Variants in SDK2 observed in about 807,000 individuals in gnomAD.
SDK2 encodes the protein sidekick cell adhesion molecule 2.
Under a neutral mutation model 253.9 loss-of-function variants are expected in SDK2, and 105 were observed. The observed-to-expected ratio is 0.41, with a 90% confidence interval of 0.35 to 0.49. SDK2 has a LOEUF of 0.49. Among genes scored for constraint, SDK2 ranks in the 20% least tolerant of loss-of-function variants. The probability of loss-of-function intolerance (pLI) is 0.06; values close to 1 mark genes in which losing one functional copy is unlikely to be tolerated. For missense variants in SDK2, 2,608 were observed against 3,003.0 expected, an observed-to-expected ratio of 0.87 and a Z score of 3.07; for synonymous variants, 1,249 against 1,234.9, an observed-to-expected ratio of 1.01 and a Z score of -0.24.
chr17:73,366,638 C>T (rs1432993090), intron 37 of SDK2, among the ~76,000 whole-genome samples: 2 of 152,140 alleles, frequency 1.3e-5, no homozygotes, highest in Non-Finnish European at 2.9e-5. Context: ...TCCTGGGTTC[C>T]AGCCTCTGCT....
intron 12 of SDK2, among the ~76,000 whole-genome samples, chr17:73,427,853 G>T (rs1313375475): frequency 6.6e-6 from 1 of 152,044 alleles, no homozygotes; most frequent in Non-Finnish European, 1.5e-5. Flanking sequence ...AGATAAGCTG[G>T]ATTTCATTAA....
intron 1 of SDK2, among the ~76,000 whole-genome samples, chr17:73,523,323 G>C (rs1320589234): frequency 1.3e-5 from 2 of 151,842 alleles, no homozygotes; most frequent in Non-Finnish European, 2.9e-5. Flanking sequence ...TGGTGCTGTG[G>C]AATGCTCTTC....
rs561109269 is a variant in SDK2 at position 73,348,220 on chromosome 17, C to G, written c.6165+379G>C. On this transcript the variant is annotated intron_variant, in intron 44 of 44. Coordinates refer to ENST00000392650, the MANE Select transcript of SDK2 (RefSeq NM_001144952.2). ...AGTGAAGCTGAGCATTTTTCCAGGT[C>G]TCTGGCCTGGAATGCAGGGCTGTGT... Among the ~76,000 whole-genome samples, 4 of 152,314 alleles carry G rather than the reference C, an allele frequency of 2.6e-5. No homozygotes were observed. The East Asian group carries it at 7.7e-4, about 29-fold the overall frequency.
In SDK2 at chr17:73,612,917, A is replaced by AAATAATAATAATAAT. The variant is rs367745115; in HGVS notation, c.64+31093_64+31107dup. ...GGGTGACAGAGCGAGACTCCGTCTC[A>AAATAATAATAATAAT]AATAATAATAATAATAATAATAGTA... On this transcript the variant is annotated intron_variant, in intron 1 of 44. Transcript: ENST00000392650. This position sits in a 1 kb window ranked among gnomAD's most constrained non-coding sequence, Gnocchi z 4.4. Among the ~76,000 whole-genome samples the AAATAATAATAATAAT allele has an allele frequency of 6.6e-6, 1 of 151,464 alleles. No individual in the cohort carries two copies. Among genetic ancestry groups the AAATAATAATAATAAT allele is most frequent in the Admixed American group, 6.6e-5 (1 of 15,224 alleles).
intron 1 of SDK2, among the ~76,000 whole-genome samples, chr17:73,613,116 C>G (rs894724052): frequency 1.3e-5 from 2 of 152,170 alleles, no homozygotes; most frequent in African/African-American, 4.8e-5. Flanking sequence ...CACAAAGCGG[C>G]ACGAGAGATT....
Position 73,586,152 on chromosome 17 carries a change from G to A in SDK2, c.64+57873C>T, listed in dbSNP as rs561722199. Among the ~76,000 whole-genome samples the A allele has an allele frequency of 2.0e-5, 3 of 152,222 alleles. No homozygotes were observed. In the East Asian group the frequency reaches 5.8e-4, roughly 29 times the overall value. On this transcript the variant is annotated intron_variant, in intron 1 of 44. Transcript: ENST00000392650. ...TACAAAGGGTTGTGCATAAGGCCTG[G>A]CATATAGCAAGCACTGGATAAGGTG...
At chr17:73,594,098 TG>T (rs2045720984) in intron 1 of SDK2, among the ~76,000 whole-genome samples, 1 of 152,192 alleles carries the variant, frequency 6.6e-6, no homozygotes, top group Admixed American at 6.5e-5. Context: ...ACTCAAAAAC[TG>T]TTTCCCCAAA....
In SDK2 at chr17:73,455,892, A is replaced by G. The variant is rs1477744846; in HGVS notation, c.479+14T>C. On this transcript the variant is annotated intron_variant, in intron 4 of 44. Transcript: ENST00000392650. This position sits in a 1 kb window ranked among gnomAD's most constrained non-coding sequence, Gnocchi z 5.0. ...ACCCCTCCCCTCCCCGTCCCCTCAG[A>G]GCGATGCACTCACATGCGGCTGCTG... is the stretch of plus-strand genomic sequence containing the variant. The G allele has an allele frequency of 2.0e-6, 3 of 1,537,468 alleles. No homozygotes were observed. The highest frequency in any genetic ancestry group is 1.4e-5 in the African/African-American group (1 of 72,766).
chr17:73,378,077 C>T (rs1229236611), intron 36 of SDK2, among the ~76,000 whole-genome samples: 1 of 152,158 alleles, frequency 6.6e-6, no homozygotes, highest in Admixed American at 6.5e-5. Context: ...CCTTATAGCA[C>T]AGGACATCAT....
intron 32 of SDK2, among the ~76,000 whole-genome samples, chr17:73,384,590 C>T (rs1260614302): frequency 6.6e-6 from 1 of 152,224 alleles, no homozygotes; most frequent in Non-Finnish European, 1.5e-5. Flanking sequence ...GAAACTACTT[C>T]TTAATGATAC....
intron 40 of SDK2, among the ~76,000 whole-genome samples, chr17:73,356,999 T>C (rs2173429): frequency 0.54 from 81,951 of 152,128 alleles, 22,282 homozygotes; most frequent in Non-Finnish European, 0.58. Flanking sequence ...GAGAAGCACG[T>C]AGTGGTCTCC....
At chr17:73,477,418 G>A (rs569765055) in intron 2 of SDK2, among the ~76,000 whole-genome samples, 2 of 152,284 alleles carry the variant, frequency 1.3e-5, no homozygotes, top group Non-Finnish European at 2.9e-5. Context: ...TGTTGGAGAA[G>A]GCACCAGGAC....
chr17:73,387,356 C>T (rs925571428), intron 30 of SDK2, among the ~76,000 whole-genome samples: 10 of 152,202 alleles, frequency 6.6e-5, no homozygotes, highest in Middle Eastern at 3.4e-3. Context: ...TGGGAGCAAA[C>T]GTCTCTCTTT....
intron 18 of SDK2, among the ~76,000 whole-genome samples, chr17:73,413,565 T>C (rs1358181641): frequency 2.0e-5 from 3 of 152,118 alleles, no homozygotes; most frequent in Non-Finnish European, 4.4e-5. Flanking sequence ...CTGTGGTACT[T>C]GGTTATAGCA....
chr17:73,363,208 C>T (rs778596288), intron 38 of SDK2, among the ~76,000 whole-genome samples: 4 of 152,172 alleles, frequency 2.6e-5, no homozygotes, highest in Admixed American at 6.5e-5. Context: ...CTCAGCCTCC[C>T]GAGTAGGCGT....
chr17:73,417,561 T>C (rs1274453429), intron 16 of SDK2, among the ~76,000 whole-genome samples: 1 of 152,096 alleles, frequency 6.6e-6, no homozygotes, highest in Admixed American at 6.6e-5. Flanking sequence ...AGGGGATGTG[T>C]CTGGACTATT....
At chr17:73,499,101 G>GGCCTCT (rs1330058041) in intron 2 of SDK2, among the ~76,000 whole-genome samples, 2 of 152,256 alleles carry the variant, frequency 1.3e-5, no homozygotes, top group African/African-American at 2.4e-5. Flanking sequence ...AAGGCCCACT[G>GGCCTCT]GCCTCTGCCT....
At chr17:73,387,535 TG>T (rs2062882969) in intron 30 of SDK2, among the ~76,000 whole-genome samples, 1 of 152,220 alleles carries the variant, frequency 6.6e-6, no homozygotes, top group Non-Finnish European at 1.5e-5. Flanking sequence ...ACCGCCCGGC[TG>T]GAAGAATCAC....
At chr17:73,636,419 A>G (rs1174607974) in intron 1 of SDK2, among the ~76,000 whole-genome samples, 1 of 152,096 alleles carries the variant, frequency 6.6e-6, no homozygotes, top group Non-Finnish European at 1.5e-5. Context: ...CAAGTGCGGC[A>G]GCTCATGCCT....
Sources: gnomAD v4.1 joint callset for allele counts (sites outside exome capture counted in the v4.1 genomes callset) on GRCh38, gnomAD v4.1.1 for gene constraint, Gnocchi (gnomAD v3.1) non-coding constraint, MANE v1.5 for transcripts, NCBI Gene and HGNC (gene_info 2026-07-23, HGNC 2026-07-21) for gene names.